Variants in PTPRM observed in about 807,000 individuals in gnomAD.
The protein encoded by PTPRM is protein tyrosine phosphatase receptor type M.
PTPRM carries 47 observed loss-of-function variants against 186.7 expected under a neutral mutation model. That is an observed-to-expected ratio of 0.25 (90% CI 0.20 to 0.32). The LOEUF (loss-of-function observed/expected upper bound fraction) is 0.32, where lower values mean the gene tolerates loss of function less well. PTPRM is among the 10% of genes least tolerant of loss of function. PTPRM has a pLI of 1.00. For missense variants in PTPRM, 1,494 were observed against 1,865.0 expected (o/e 0.80, Z 3.66); for synonymous variants, 668 against 674.9 (o/e 0.99, Z 0.16).
chr18:7,690,408 T>C (rs2039707788), intron 1 of PTPRM, among the ~76,000 whole-genome samples: 1 of 152,238 alleles, frequency 6.6e-6, no homozygotes, highest in Non-Finnish European at 1.5e-5. Context: ...TGTTCTACTT[T>C]ATATGTTATT....
intron 13 of PTPRM, among the ~76,000 whole-genome samples, chr18:8,116,100 G>A (rs1223706453): frequency 2.0e-5 from 3 of 152,126 alleles, no homozygotes; most frequent in African/African-American, 2.4e-5. Flanking sequence ...ATAAACTGCC[G>A]TATGCTATCA....
chr18:7,817,224 C>T (rs1319445561), intron 2 of PTPRM, among the ~76,000 whole-genome samples: 1 of 152,170 alleles, frequency 6.6e-6, no homozygotes, highest in Non-Finnish European at 1.5e-5. Context: ...ATCTGCCCGC[C>T]TCGGCATCCC....
At chr18:7,606,336 G>A (rs956533869) in intron 1 of PTPRM, among the ~76,000 whole-genome samples, 18 of 152,220 alleles carry the variant, frequency 1.2e-4, no homozygotes, top group African/African-American at 3.4e-4. Flanking sequence ...GCATCTTACC[G>A]TAGTGGCTTC....
chr18:8,259,099 C>T (rs1157629025), intron 19 of PTPRM, among the ~76,000 whole-genome samples: 1 of 152,088 alleles, frequency 6.6e-6, no homozygotes, highest in African/African-American at 2.4e-5. Context: ...CAGGCTTGCA[C>T]GACCATGCCC....
At chr18:7,819,307 A>G (rs371523829) in intron 2 of PTPRM, among the ~76,000 whole-genome samples, 2 of 152,350 alleles carry the variant, frequency 1.3e-5, no homozygotes, top group Admixed American at 1.3e-4. Flanking sequence ...AAACTATGAG[A>G]CCCTAGCAGG....
intron 1 of PTPRM, among the ~76,000 whole-genome samples, chr18:7,593,617 A>C (rs2037180405): frequency 6.6e-6 from 1 of 152,226 alleles, no homozygotes; most frequent in South Asian, 2.1e-4. Flanking sequence ...GCATCTGTGC[A>C]TCTTATTGTC....
chr18:7,710,924 C>G (rs1432602916), intron 1 of PTPRM, among the ~76,000 whole-genome samples: 1 of 152,078 alleles, frequency 6.6e-6, no homozygotes, highest in African/African-American at 2.4e-5. Context: ...ATGGAAACAC[C>G]CATGCTCATG....
chr18:7,950,847 C>T (rs1599689899), intron 6 of PTPRM, among the ~76,000 whole-genome samples: 1 of 152,070 alleles, frequency 6.6e-6, no homozygotes, highest in East Asian at 1.9e-4. Context: ...CTGGCCACAC[C>T]CATATTGAGT....
intron 29 of PTPRM, 44 bp downstream of exon 29, chr18:8,380,471 C>A: frequency 6.2e-7 from 1 of 1,610,610 alleles, no homozygotes; most frequent in Non-Finnish European, 8.5e-7. Flanking sequence ...GCCAGGGGGT[C>A]AAGTTTGTTT....
intron 13 of PTPRM, among the ~76,000 whole-genome samples, chr18:8,140,318 T>G (rs1404853515): frequency 1.3e-5 from 2 of 152,148 alleles, no homozygotes; most frequent in African/African-American, 4.8e-5. Flanking sequence ...CATCGTGTTC[T>G]CAGCCTGGCT....
chr18:7,613,927 A>G (rs541993001), intron 1 of PTPRM, among the ~76,000 whole-genome samples: 1 of 152,336 alleles, frequency 6.6e-6, no homozygotes, highest in Non-Finnish European at 1.5e-5. Flanking sequence ...TTTTCCTTAT[A>G]AGGCTTAACA....
intron 9 of PTPRM, among the ~76,000 whole-genome samples, chr18:8,079,329 A>G (rs565317371): frequency 1.3e-4 from 20 of 152,250 alleles, no homozygotes; most frequent in African/African-American, 4.6e-4. Flanking sequence ...GGGTCTGATC[A>G]TTACACCTTT....
At chr18:8,075,795 A>G (rs2089775769) in intron 8 of PTPRM, among the ~76,000 whole-genome samples, 1 of 152,142 alleles carries the variant, frequency 6.6e-6, no homozygotes, top group East Asian at 1.9e-4. Context: ...TAATAGATAT[A>G]TTAGTACAGT....
intron 1 of PTPRM, among the ~76,000 whole-genome samples, chr18:7,637,634 G>T (rs55990200): frequency 0.085 from 12,985 of 152,120 alleles, 795 homozygotes; most frequent in South Asian, 0.2. Flanking sequence ...TTCTATGAAC[G>T]TTTCTTTGGG....
intron 1 of PTPRM, among the ~76,000 whole-genome samples, chr18:7,610,970 T>C (rs946573862): frequency 3.9e-5 from 6 of 152,160 alleles, no homozygotes; most frequent in African/African-American, 1.4e-4. Context: ...GACCTTCCAG[T>C]GGGACAGGAT....
intron 4 of PTPRM, among the ~76,000 whole-genome samples, chr18:7,917,463 G>A (rs1389390989): frequency 6.6e-6 from 1 of 152,182 alleles, no homozygotes; most frequent in Admixed American, 6.5e-5. Flanking sequence ...GTGAACCTGG[G>A]AGGCGGAGGT....
At chr18:8,046,054 T>A (rs1380243312) in intron 7 of PTPRM, among the ~76,000 whole-genome samples, 6 of 152,160 alleles carry the variant, frequency 3.9e-5, no homozygotes, top group Non-Finnish European at 8.8e-5. Context: ...TCCTCCATGC[T>A]GTTCTCATGA....
At chr18:8,266,539 A>C (rs1440288623) in intron 19 of PTPRM, among the ~76,000 whole-genome samples, 2 of 152,222 alleles carry the variant, frequency 1.3e-5, no homozygotes, top group Admixed American at 6.5e-5. Context: ...TGTCACGGAA[A>C]AGAAAGGGAA....
chr18:8,048,167 T>A (rs2087201772), intron 7 of PTPRM, among the ~76,000 whole-genome samples: 1 of 152,042 alleles, frequency 6.6e-6, no homozygotes. Flanking sequence ...ATGGAGTTGA[T>A]CCCACACAAA....
Sources: gnomAD v4.1 joint callset for allele counts (sites outside exome capture counted in the v4.1 genomes callset) on GRCh38, gnomAD v4.1.1 for gene constraint, MANE v1.5 for transcripts, NCBI Gene and HGNC (gene_info 2026-07-23, HGNC 2026-07-21) for gene names.